Variants in NRP2 observed in about 807,000 individuals in gnomAD.
The protein encoded by NRP2 is neuropilin 2.
In NRP2, 52 loss-of-function variants were observed where a neutral mutation model predicts 110.4. That is an observed-to-expected ratio of 0.47 (90% CI 0.38 to 0.59). The LOEUF is 0.59. Ranked by LOEUF, NRP2 falls within the 20% of genes least tolerant of loss-of-function variation. The probability of loss-of-function intolerance (pLI) is 0.00; values close to 1 mark genes in which losing one functional copy is unlikely to be tolerated. For missense variants in NRP2, 1,049 were observed against 1,203.0 expected (o/e 0.87, Z 1.89); for synonymous variants, 508 against 468.9 (o/e 1.08, Z -1.08).
rs189481895 is a variant in NRP2, at chr2:205,711,003, G to T, written c.252-5190G>T. Among the ~76,000 whole-genome samples, 804 of 152,280 alleles carry T rather than the reference G, an allele frequency of 5.3e-3. 31 individuals are homozygous for T. The highest frequency in any genetic ancestry group is 0.045 in the Admixed American group (696 of 15,306). On this transcript the variant is annotated intron_variant, in intron 2 of 16. Transcript: ENST00000357785. The stretch of plus-strand genomic sequence containing the variant: ...TTGAGATGTTTCTTCCACTCAAAAT[G>T]TTATATTTCATGTTTTTGAGTCACA...
chr2:205,713,731 C>G (rs965162565), intron 2 of NRP2, among the ~76,000 whole-genome samples: 1 of 152,040 alleles, frequency 6.6e-6, no homozygotes, highest in Non-Finnish European at 1.5e-5. Flanking sequence ...TATAAATATC[C>G]CAGATGGATT....
At chr2:205,717,212 C>T (rs1248384532) in intron 3 of NRP2, among the ~76,000 whole-genome samples, 3 of 151,754 alleles carry the variant, frequency 2.0e-5, no homozygotes, top group Admixed American at 6.6e-5. Context: ...AGCATGTCCT[C>T]CAGTCCTCCC....
intron 8 of NRP2, 151 bp from the exon 9 acceptor site, chr2:205,743,052 C>T: frequency 1.2e-5 from 17 of 1,474,818 alleles, no homozygotes; most frequent in Non-Finnish European, 1.3e-5. Flanking sequence ...GGCTCTTAAC[C>T]ACAGTGCTGT....
chr2:205,748,294 C>T (rs2057576007), intron 10 of NRP2, among the ~76,000 whole-genome samples: 2 of 152,184 alleles, frequency 1.3e-5, no homozygotes, highest in Admixed American at 1.3e-4. Flanking sequence ...CAAAGGATAA[C>T]AGGAAAAATA....
intron 15 of NRP2, among the ~76,000 whole-genome samples, chr2:205,782,147 C>G (rs2058181812): frequency 6.6e-6 from 1 of 152,146 alleles, no homozygotes; most frequent in Admixed American, 6.5e-5. Context: ...TTTCCCCAAT[C>G]CCAGTGGATA....
chr2:205,768,602 A>G (rs2057967139), intron 15 of NRP2: 1 of 152,262 alleles, frequency 6.6e-6, no homozygotes, highest in East Asian at 1.9e-4. Flanking sequence ...TTCACAGGCC[A>G]GTCATGCTCT....
intron 7 of NRP2, among the ~76,000 whole-genome samples, chr2:205,733,951 CCA>C (rs563610290): frequency 6.6e-6 from 1 of 152,220 alleles, no homozygotes; most frequent in Non-Finnish European, 1.5e-5. Flanking sequence ...CCCCGCAGGC[CCA>C]CACAGATGGG....
intron 7 of NRP2, among the ~76,000 whole-genome samples, chr2:205,729,191 C>T (rs7580072): frequency 3.9e-5 from 6 of 152,162 alleles, no homozygotes; most frequent in Admixed American, 6.5e-5. Context: ...ACTTGGGAAA[C>T]GGGAAAAGGA....
chr2:205,758,481 C>T (rs1017271979), intron 12 of NRP2, among the ~76,000 whole-genome samples: 31 of 152,284 alleles, frequency 2.0e-4, no homozygotes, highest in African/African-American at 6.7e-4. Flanking sequence ...CAGATGCGGC[C>T]GTAAATCGCC....
intron 6 of NRP2, among the ~76,000 whole-genome samples, chr2:205,726,983 C>T (rs938618066): frequency 6.6e-6 from 1 of 152,224 alleles, no homozygotes; most frequent in Non-Finnish European, 1.5e-5. Context: ...AATCCATCTC[C>T]TCGCAGCCTG....
intron 14 of NRP2, 139 bp from the exon 15 acceptor site, chr2:205,766,644 G>A: frequency 2.7e-6 from 2 of 747,272 alleles, no homozygotes; most frequent in South Asian, 3.0e-5. Flanking sequence ...GTGGAAGATG[G>A]GGGGCCCTCT....
intron 9 of NRP2, 167 bp downstream of exon 9, chr2:205,743,719 T>C: frequency 7.5e-7 from 1 of 1,329,458 alleles, no homozygotes. Flanking sequence ...GGCACTGTGC[T>C]AAATACCTTA....
intron 2 of NRP2, among the ~76,000 whole-genome samples, chr2:205,704,950 G>A (rs2056644497): frequency 6.6e-6 from 1 of 152,172 alleles, no homozygotes; most frequent in Admixed American, 6.5e-5. Flanking sequence ...TTCAGTGGGA[G>A]CTCCAGGTGT....
intron 1 of NRP2, 53 bp downstream of exon 1, chr2:205,683,416 G>C: frequency 7.4e-7 from 1 of 1,350,836 alleles, no homozygotes. Flanking sequence ...CCCTTTAAAA[G>C]TGACCGCTAA....
At chr2:205,727,749 C>A (rs1237666467) in intron 6 of NRP2, 142 bp from the exon 7 acceptor site, 1 of 771,236 alleles carries the variant, frequency 1.3e-6, no homozygotes, top group Non-Finnish European at 2.0e-6. Context: ...GAATTGCAAA[C>A]TGATACTAAT....
chr2:205,751,931 C>G (rs934438065), intron 11 of NRP2, among the ~76,000 whole-genome samples: 4 of 152,222 alleles, frequency 2.6e-5, no homozygotes, highest in Non-Finnish European at 5.9e-5. Flanking sequence ...CCCACGTCCA[C>G]ACCACCCCCA....
intron 2 of NRP2, among the ~76,000 whole-genome samples, chr2:205,709,893 A>C (rs575145458): frequency 1.2e-4 from 18 of 152,340 alleles, no homozygotes; most frequent in African/African-American, 4.3e-4. Context: ...ATATGTGCTT[A>C]TAAAAATACT....
In NRP2 at chr2:205,795,155, T is replaced by G. The variant is rs2058341119; in HGVS notation, c.*97T>G. The G allele has an allele frequency of 1.7e-6, 2 of 1,195,414 alleles. No individual in the cohort carries two copies. Among genetic ancestry groups the G allele is most frequent in the African/African-American group, 3.0e-5 (2 of 66,328 alleles). 74.1% of individuals were successfully genotyped at this position (1,195,414 alleles called of 1,614,324 possible). ...CCTTTGGAAACTGAATGCCATAATC[T>G]CGATCAAACCGATCCAGAATACCGA... On this transcript the variant is annotated 3_prime_UTR_variant, in exon 17 of 17. Coordinates refer to ENST00000357785, the MANE Select transcript of NRP2 (RefSeq NM_003872.3).
In NRP2 at chr2:205,766,662, G is replaced by A. The variant is rs58917477; in HGVS notation, c.2405-121G>A. ...GAAGATGGGGGGCCCTCTCCATGGAGTGGTACAAAAAAACCGAGTGCAGTC... is the reference window on the plus strand; with the variant it reads ...GAAGATGGGGGGCCCTCTCCATGGAATGGTACAAAAAAACCGAGTGCAGTC... On this transcript the variant is annotated intron_variant, in intron 14 of 16. Coordinates refer to ENST00000357785, the MANE Select transcript of NRP2 (RefSeq NM_003872.3). 64 of 859,064 alleles carry A rather than the reference G, an allele frequency of 7.4e-5. 1 individual carries two copies. In the East Asian group the frequency reaches 1.5e-3, roughly 21 times the overall value. 53.2% of individuals were successfully genotyped at this position (859,064 alleles called of 1,614,324 possible). A position where few individuals can be genotyped will look rare whatever the true frequency, so the allele number is the denominator to read the frequency against.
Sources: allele counts gnomAD v4.1 joint callset (sites outside exome capture counted in the v4.1 genomes callset), GRCh38; gene constraint gnomAD v4.1.1; transcripts MANE v1.5; gene names NCBI Gene and HGNC (gene_info 2026-07-23, HGNC 2026-07-21).